Variants in GGT1 observed in about 807,000 individuals in gnomAD.
The protein encoded by GGT1 is glutathione hydrolase 1 proenzyme.
In GGT1, 21 loss-of-function variants were observed where a neutral mutation model predicts 56.0. That is an observed-to-expected ratio of 0.38 (90% CI 0.27 to 0.54). The LOEUF (loss-of-function observed/expected upper bound fraction) is 0.54. Ranked by LOEUF, GGT1 falls within the 20% of genes least tolerant of loss-of-function variation. The pLI is 0.82. For synonymous variants in GGT1, 238 were observed against 342.6 expected (o/e 0.69, Z 3.37); for missense variants, 466 against 787.0 (o/e 0.59, Z 4.88).
intron 1 of GGT1, among the ~76,000 whole-genome samples, chr22:24,597,632 G>C (rs2045716877): frequency 1.3e-5 from 2 of 151,956 alleles, no homozygotes; most frequent in South Asian, 4.2e-4. Context: ...AGTGAGCCGA[G>C]ATAGCACCAC....
chr22:24,619,815 T>A (rs2047299383), intron 7 of GGT1, among the ~76,000 whole-genome samples: 1 of 150,860 alleles, frequency 6.6e-6, no homozygotes, highest in Non-Finnish European at 1.5e-5. Context: ...GGCCTTGTGG[T>A]CAGTGAGATG....
the GGT1 span, among the ~76,000 whole-genome samples, chr22:24,584,615 AAGTC>A: frequency 4.6e-5 from 7 of 152,178 alleles, no homozygotes; most frequent in East Asian, 9.7e-4. Context: ...CTGTGAGGGA[AAGTC>A]AGAGCTGGTG....
rs1167212549 is a variant in GGT1, at chr22:24,623,828, T to G, written c.932T>G (p.Leu311Arg). 12 of 1,611,752 alleles carry G rather than the reference T, an allele frequency of 7.4e-6. No individual in the cohort carries two copies. The highest frequency in any genetic ancestry group is 1.3e-5 in the African/African-American group (1 of 74,806). The change falls in exon 11 of 16, where the codon CTG becomes CGG. Residue 311 changes from leucine (L) to arginine (R), a missense_variant. By Grantham distance (102) the Leu-to-Arg change is moderately radical. Around this residue, in one of 2 missense-constraint regions of GGT1, gnomAD observed 456 missense variants for 716.7 expected, o/e 0.64. Transcript: ENST00000400382. ...ESVESPEQKGLTYHRIVEAFR... is the reference protein window; with the variant it reads ...ESVESPEQKGRTYHRIVEAFR... ...GTGGAGAGCCCCGAGCAGAAGGGCC[T>G]GACGTACCACCGCATCGTAGAGGCT...
At chr22:24,595,094 G>C (rs772212848) in intron 1 of GGT1, among the ~76,000 whole-genome samples, 5 of 152,184 alleles carry the variant, frequency 3.3e-5, no homozygotes, top group Admixed American at 6.5e-5. Context: ...GCAGCGGTAT[G>C]GGGGAGTGCT....
upstream of GGT1, chr22:24,593,185 C>G: frequency 8.3e-6 from 7 of 839,900 alleles, no homozygotes; most frequent in Non-Finnish European, 1.0e-5. Context: ...CACCCCGCGC[C>G]GGAGCGAGGC....
intron 7 of GGT1, among the ~76,000 whole-genome samples, chr22:24,619,529 A>G (rs1449861482): frequency 6.6e-6 from 1 of 152,078 alleles, no homozygotes; most frequent in Non-Finnish European, 1.5e-5. Flanking sequence ...TGATTGCACC[A>G]CTGCACTCCA....
At chr22:24,624,043 G>A (rs1445732269) in intron 11 of GGT1, 127 bp downstream of exon 11, 93 of 1,526,056 alleles carry the variant, frequency 6.1e-5, no homozygotes, top group Non-Finnish European at 7.8e-5. Context: ...CTTCGATTGC[G>A]GGCCTACTGT....
chr22:24,587,551 G>A, the GGT1 span, among the ~76,000 whole-genome samples: 2 of 152,092 alleles, frequency 1.3e-5, no homozygotes, highest in African/African-American at 2.4e-5. Context: ...AGGCCTGCTA[G>A]GGTAAGCTCC....
intron 5 of GGT1, among the ~76,000 whole-genome samples, chr22:24,611,543 C>CA (rs2046671392): frequency 2.5e-5 from 3 of 119,440 alleles, no homozygotes; most frequent in African/African-American, 9.9e-5. Context: ...ATCTATCTAT[C>CA]ATCTATCTAT....
Position 24,620,873 on chromosome 22 carries a change from C to T in GGT1, c.576-40C>T. 1 of 1,608,536 alleles carries T rather than the reference C, an allele frequency of 6.2e-7. No homozygotes were observed. Among genetic ancestry groups the T allele is most frequent in the Non-Finnish European group, 8.5e-7 (1 of 1,177,946 alleles). ...GTGTGAGGGGTGGTCTAGCTGAGTC[C>T]ACCCCACCTGCTGCCTCACATGAGC... is the stretch of plus-strand genomic sequence containing the variant. On this transcript the variant is annotated intron_variant, in intron 8 of 15. Transcript: ENST00000400382. The surrounding 1 kb of genome is among the most constrained non-coding windows in gnomAD (Gnocchi z 5.6).
At chr22:24,592,710 C>T (rs1009534749), upstream of GGT1, 4 of 1,277,306 alleles carry the variant, frequency 3.1e-6, no homozygotes, top group Non-Finnish European at 4.0e-6. Context: ...GCCTGTCGCG[C>T]CCTCGGAACC....
At chr22:24,601,378 A>G (rs1416022898), upstream of GGT1, among the ~76,000 whole-genome samples, 1 of 152,012 alleles carries the variant, frequency 6.6e-6, no homozygotes, top group Non-Finnish European at 1.5e-5. Flanking sequence ...TGGACCTGTC[A>G]GTGGGGGTGG....
chr22:24,605,527 A>G (rs1358886410), intron 1 of GGT1, among the ~76,000 whole-genome samples: 1 of 66,050 alleles, frequency 1.5e-5, no homozygotes, highest in East Asian at 4.4e-4. Context: ...TATATATTAT[A>G]TAATATTATA....
upstream of GGT1, among the ~76,000 whole-genome samples, chr22:24,598,364 C>T (rs1409458998): frequency 4.8e-5 from 7 of 144,714 alleles, no homozygotes; most frequent in South Asian, 2.1e-4. Context: ...CGGTTGAACC[C>T]GAGGGGTGCA....
Position 24,628,363 on chromosome 22 carries a change from C to G in GGT1, c.1538C>G (p.Thr513Arg), listed in dbSNP as rs766430845. The G allele has an allele frequency of 6.2e-7, 1 of 1,611,396 alleles. No individual in the cohort carries two copies. Among genetic ancestry groups the G allele is most frequent in the East Asian group, 2.2e-5 (1 of 44,870 alleles). The change falls in exon 15 of 16, where the codon ACG (threonine) becomes AGG (arginine). Residue 513 changes from threonine to arginine, a missense_variant. Physicochemically the swap from Thr to Arg is moderately conservative, Grantham distance 71. This residue lies in a region of GGT1 where 456 missense variants were observed against 716.7 expected (regional missense o/e 0.64). Coordinates refer to ENST00000400382, the MANE Select transcript of GGT1 (RefSeq NM_001288833.2). This position sits in a 1 kb window ranked among gnomAD's most constrained non-coding sequence, Gnocchi z 5.7. ...CACAACCAGCTTCTGCCCAACGTCACGACAGTGGAGAGAAACATTGACCAG... is the reference window on the plus strand; with the variant it reads ...CACAACCAGCTTCTGCCCAACGTCAGGACAGTGGAGAGAAACATTGACCAG... ...RLHNQLLPNV[T>R]TVERNIDQAV...
At chr22:24,586,821 G>A in the GGT1 span, among the ~76,000 whole-genome samples, 1 of 152,238 alleles carries the variant, frequency 6.6e-6, no homozygotes, top group Non-Finnish European at 1.5e-5. Flanking sequence ...GTGAGCCACT[G>A]CGCCCGGGCC....
chr22:24,592,916 G>A, upstream of GGT1: 4 of 1,272,656 alleles, frequency 3.1e-6, no homozygotes, highest in Non-Finnish European at 4.0e-6. Context: ...CGCTCGCGGA[G>A]CGTGGACTGG....
chr22:24,621,099 G>A (rs199550933), intron 9 of GGT1, 29 bp downstream of exon 9: 1 of 1,553,626 alleles, frequency 6.4e-7, no homozygotes, highest in East Asian at 2.4e-5. Flanking sequence ...GGGCCTGGGT[G>A]AGGAACTCTG....
intron 11 of GGT1, among the ~76,000 whole-genome samples, chr22:24,625,421 G>A (rs937530336): frequency 2.0e-5 from 3 of 152,234 alleles, no homozygotes; most frequent in African/African-American, 4.8e-5. Flanking sequence ...CCAGAGGCAC[G>A]TGCCACCAAA....
Sources: allele counts gnomAD v4.1 joint callset (sites outside exome capture counted in the v4.1 genomes callset), GRCh38; gene constraint gnomAD v4.1.1; regional missense constraint gnomAD v4.1.1; non-coding constraint Gnocchi (gnomAD v3.1); transcripts MANE v1.5; gene names NCBI Gene and HGNC (gene_info 2026-07-23, HGNC 2026-07-21).